The following PRICKLE1 variants were observed in gnomAD, a reference collection of about 807,000 sequenced individuals.
PRICKLE1 encodes prickle planar cell polarity protein 1.
A neutral mutation model predicts 70.2 loss-of-function variants in PRICKLE1; 14 were observed. That is an observed-to-expected ratio of 0.20 (90% CI 0.13 to 0.31). The LOEUF (loss-of-function observed/expected upper bound fraction) is 0.31, where lower values mean the gene tolerates loss of function less well. PRICKLE1 is among the 10% of genes least tolerant of loss of function. The pLI is 1.00. For missense variants in PRICKLE1, 821 were observed against 1,026.2 expected (o/e 0.80, Z 2.73); for synonymous variants, 357 against 379.9 (o/e 0.94, Z 0.70).
intron 1 of PRICKLE1, among the ~76,000 whole-genome samples, chr12:42,500,347 A>T (rs1939283083): frequency 6.6e-6 from 1 of 152,224 alleles, no homozygotes; most frequent in Admixed American, 6.5e-5. Flanking sequence ...GTATTTGAAG[A>T]TCTTTATATA....
At position 42,468,078 on chromosome 12, in the gene PRICKLE1, CAGG is replaced by C. The variant is rs1480650923; in HGVS notation, c.588+545_588+547del. Reference sequence around the variant, plus strand: ...CAGGGGAAGCTGGGAGAAGGGCATGCAGGATCTCTCTGTAATAGCTTTGCAACT... The same window carrying C: ...CAGGGGAAGCTGGGAGAAGGGCATGCATCTCTCTGTAATAGCTTTGCAACT... On this transcript the variant is annotated intron_variant, in intron 5 of 7. Coordinates refer to ENST00000345127, the MANE Select transcript of PRICKLE1 (RefSeq NM_153026.3). Among the ~76,000 whole-genome samples, 3 of 152,102 alleles carry C rather than the reference CAGG, an allele frequency of 2.0e-5. No homozygotes were observed. The East Asian group carries it at 5.8e-4, about 29-fold the overall frequency.
intron 1 of PRICKLE1, among the ~76,000 whole-genome samples, chr12:42,489,056 TGGG>T (rs1939042169): frequency 6.6e-6 from 1 of 151,814 alleles, no homozygotes; most frequent in Admixed American, 6.6e-5. Context: ...CCTGAGTAGC[TGGG>T]ATTACAGGCA....
intron 1 of PRICKLE1, chr12:42,484,450 T>C (rs1397559016): frequency 3.3e-5 from 5 of 152,116 alleles, no homozygotes; most frequent in African/African-American, 4.8e-5. Context: ...CCCATAACAA[T>C]GATGTCAGCA....
intron 1 of PRICKLE1, among the ~76,000 whole-genome samples, chr12:42,516,629 T>C (rs1294228818): frequency 1.3e-5 from 2 of 152,298 alleles, no homozygotes; most frequent in Non-Finnish European, 1.5e-5. Flanking sequence ...CTCATCTACC[T>C]GTTCATATTT....
chr12:42,585,722 A>T (rs931251468), intron 1 of PRICKLE1, among the ~76,000 whole-genome samples: 42 of 152,198 alleles, frequency 2.8e-4, no homozygotes, highest in Admixed American at 5.9e-4. Flanking sequence ...ATACAATTTT[A>T]GGCCAGGCTT....
At chr12:42,527,357 T>C (rs1406318469) in intron 1 of PRICKLE1, among the ~76,000 whole-genome samples, 1 of 152,116 alleles carries the variant, frequency 6.6e-6, no homozygotes, top group Admixed American at 6.6e-5. Context: ...GGCCTTGAAC[T>C]CCTAACCTCA....
At chr12:42,510,998 T>A (rs17091327) in intron 1 of PRICKLE1, among the ~76,000 whole-genome samples, 1 of 152,200 alleles carries the variant, frequency 6.6e-6, no homozygotes, top group Non-Finnish European at 1.5e-5. Context: ...CCAACTGGCA[T>A]GACAATGGTA....
intron 1 of PRICKLE1, among the ~76,000 whole-genome samples, chr12:42,513,816 T>C (rs969435653): frequency 3.9e-5 from 6 of 152,058 alleles, no homozygotes; most frequent in African/African-American, 1.4e-4. Context: ...GCCAACATGG[T>C]GAAACCTCGT....
intron 1 of PRICKLE1, among the ~76,000 whole-genome samples, chr12:42,513,417 C>A (rs1939551386): frequency 6.6e-6 from 1 of 152,140 alleles, no homozygotes; most frequent in Non-Finnish European, 1.5e-5. Context: ...ATGAATACAG[C>A]TGGGCACTCT....
At chr12:42,581,468 G>A (rs1489823054) in intron 1 of PRICKLE1, among the ~76,000 whole-genome samples, 1 of 152,064 alleles carries the variant, frequency 6.6e-6, no homozygotes, top group Non-Finnish European at 1.5e-5. Flanking sequence ...AACTAAGCCA[G>A]GTGAGGTGGC....
intron 1 of PRICKLE1, among the ~76,000 whole-genome samples, chr12:42,587,545 T>C (rs1941003623): frequency 2.6e-5 from 4 of 152,270 alleles, no homozygotes; most frequent in Admixed American, 2.6e-4. Context: ...CTAAATCCTT[T>C]GTATAAACAT....
chr12:42,458,756 C>T lies in PRICKLE1; in HGVS notation c.*1053G>A, dbSNP rs1194969186. 1.3e-5 allele frequency: 2 copies of T among 152,204 alleles called. No homozygotes were observed. The highest frequency in any genetic ancestry group is 2.9e-5 in the Non-Finnish European group (2 of 68,084). The allele number at this position is 152,204 out of a possible 1,614,324, so 9.4% of individuals were successfully genotyped here. A position where few individuals can be genotyped will look rare whatever the true frequency, so the allele number is the denominator to read the frequency against. On this transcript the variant is annotated 3_prime_UTR_variant, in exon 8 of 8. Coordinates refer to ENST00000345127, the MANE Select transcript of PRICKLE1 (RefSeq NM_153026.3). ...CACCTTGCTGAAAATGAGAAAGGCA[C>T]CCCCCGCAGGCAGGGGGAAAAAACC...
At chr12:42,495,598 T>C (rs922735142) in intron 1 of PRICKLE1, among the ~76,000 whole-genome samples, 2 of 151,960 alleles carry the variant, frequency 1.3e-5, no homozygotes, top group Non-Finnish European at 2.9e-5. Context: ...TTCTTTTTTT[T>C]TTTTCTTTTT....
chr12:42,564,533 G>A (rs545200045), intron 1 of PRICKLE1, among the ~76,000 whole-genome samples: 6 of 152,224 alleles, frequency 3.9e-5, no homozygotes, highest in African/African-American at 9.6e-5. Context: ...GCTTGAACCC[G>A]GAAGGCAGAG....
intron 1 of PRICKLE1, among the ~76,000 whole-genome samples, chr12:42,493,323 A>C (rs1049766659): frequency 2.0e-5 from 3 of 152,210 alleles, no homozygotes; most frequent in African/African-American, 7.2e-5. Context: ...AAAATATCTC[A>C]TGTACCCCAT....
At chr12:42,498,391 A>T (rs1256489239) in intron 1 of PRICKLE1, among the ~76,000 whole-genome samples, 1 of 148,988 alleles carries the variant, frequency 6.7e-6, no homozygotes, top group East Asian at 2.0e-4. Context: ...CTAGCCTGGT[A>T]TCGAACTCCT....
chr12:42,472,795 A>C (rs1397524791), intron 1 of PRICKLE1, among the ~76,000 whole-genome samples: 5 of 152,206 alleles, frequency 3.3e-5, no homozygotes, highest in Admixed American at 6.5e-5. Context: ...ACATGCCACC[A>C]AAGCTAGTTT....
At chr12:42,527,128 C>CTT (rs386376309) in intron 1 of PRICKLE1, among the ~76,000 whole-genome samples, 14,513 of 99,346 alleles carry the variant, frequency 0.15, 637 homozygotes, top group East Asian at 0.24. Context: ...TTTTTTTCCT[C>CTT]TTTTTTTTTT....
intron 1 of PRICKLE1, among the ~76,000 whole-genome samples, chr12:42,490,783 G>A (rs1335840586): frequency 6.6e-6 from 1 of 152,158 alleles, no homozygotes; most frequent in Non-Finnish European, 1.5e-5. Context: ...CCTGATGTAA[G>A]CTCTCACTTG....
Sources: allele counts gnomAD v4.1 joint callset (sites outside exome capture counted in the v4.1 genomes callset), GRCh38; gene constraint gnomAD v4.1.1; transcripts MANE v1.5; gene names NCBI Gene and HGNC (gene_info 2026-07-23, HGNC 2026-07-21).